C10orf90: variants seen among roughly 807,000 people sequenced by gnomAD.
The protein encoded by C10orf90 is (E2-independent) E3 ubiquitin-conjugating enzyme FATS.
In C10orf90, 56 loss-of-function variants were observed where a neutral mutation model predicts 62.5. The observed-to-expected ratio is 0.90, with a 90% CI of 0.72 to 1.12. The LOEUF (loss-of-function observed/expected upper bound fraction) is 1.12. Ranked by LOEUF, C10orf90 falls within the 50% of genes most tolerant of loss-of-function variation. The pLI, the probability that C10orf90 is intolerant of heterozygous loss-of-function variation, is 0.00. For synonymous variants in C10orf90, 386 were observed against 340.4 expected (o/e 1.13, Z -1.47); for missense variants, 970 against 880.4 (o/e 1.10, Z -1.29).
intron 4 of C10orf90, among the ~76,000 whole-genome samples, chr10:126,476,733 C>G (rs141859498): frequency 6.6e-6 from 1 of 152,282 alleles, no homozygotes; most frequent in East Asian, 1.9e-4. Flanking sequence ...TCATAAGAAA[C>G]AAAACATATC....
In C10orf90 at chr10:126,461,538, T is replaced by C; in HGVS notation, c.1873A>G (p.Lys625Glu). 1 of 1,613,916 alleles carries C rather than the reference T, an allele frequency of 6.2e-7. No individual in the cohort carries two copies. The highest frequency in any genetic ancestry group is 8.5e-7 in the Non-Finnish European group (1 of 1,179,956). Residue 625 changes from lysine to glutamate, a missense_variant, in exon 6 of 10, where the codon AAG (lysine) becomes GAG (glutamate). Physicochemically the swap from Lys to Glu is moderately conservative, Grantham distance 56. Coordinates refer to ENST00000488181, the MANE Select transcript of C10orf90 (RefSeq NM_001350921.2). ...TCAGGTGTGGTGGGGTCCTCACTCTTCTTACATTCCTTTATTTTTACAACC... is the reference window on the plus strand; with the variant it reads ...TCAGGTGTGGTGGGGTCCTCACTCTCCTTACATTCCTTTATTTTTACAACC... ...DLVVKIKECK[K>E]SEDPTTPEPS...
chr10:126,661,573 T>G (rs1325128012), intron 1 of C10orf90, among the ~76,000 whole-genome samples: 1 of 152,178 alleles, frequency 6.6e-6, no homozygotes, highest in Non-Finnish European at 1.5e-5. Flanking sequence ...CCCAATTCCC[T>G]GATGGAAATT....
intron 4 of C10orf90, among the ~76,000 whole-genome samples, chr10:126,479,225 G>A (rs1365670278): frequency 6.6e-6 from 1 of 152,196 alleles, no homozygotes; most frequent in African/African-American, 2.4e-5. Context: ...TTCCAATGTG[G>A]GCGGTCCTCC....
chr10:126,585,228 GA>G (rs145337433), intron 2 of C10orf90, among the ~76,000 whole-genome samples: 1,796 of 151,094 alleles, frequency 0.012, 36 homozygotes, highest in African/African-American at 0.041. Context: ...AAAATGGAAG[GA>G]AGTTAGGAAA....
In C10orf90 at chr10:126,425,715, C is replaced by A. The variant is rs1002385820; in HGVS notation, c.*149G>T. 5.2e-6 allele frequency: 4 copies of A among 774,204 alleles called. No homozygotes were observed. Among genetic ancestry groups the A allele is most frequent in the Non-Finnish European group, 8.0e-6 (4 of 497,140 alleles). 48.0% of individuals were successfully genotyped at this position (774,204 alleles called of 1,614,324 possible). ...TTCTGTTTGGCTTGGGTCAGTAATT[C>A]AGGAAGTGATGTTTTCCTTTATGGA... On this transcript the variant is annotated 3_prime_UTR_variant, in exon 10 of 10. Coordinates refer to ENST00000488181, the MANE Select transcript of C10orf90 (RefSeq NM_001350921.2).
intron 4 of C10orf90, among the ~76,000 whole-genome samples, chr10:126,487,142 CAAAA>C (rs1158481155): frequency 0.27 from 7,828 of 29,066 alleles, 194 homozygotes; most frequent in Non-Finnish European, 0.31. Context: ...AAAACTCTGT[CAAAA>C]AAAAAAAAAA....
At chr10:126,448,243 A>G (rs924444542) in intron 7 of C10orf90, among the ~76,000 whole-genome samples, 19 of 152,080 alleles carry the variant, frequency 1.2e-4, no homozygotes, top group Non-Finnish European at 2.5e-4. Context: ...AAATTCATAG[A>G]TATGTGAAAA....
intron 7 of C10orf90, among the ~76,000 whole-genome samples, chr10:126,458,557 A>T (rs1564806319): frequency 6.6e-6 from 1 of 152,210 alleles, no homozygotes; most frequent in African/African-American, 2.4e-5. Context: ...CCCTCACAGG[A>T]TCAGTGTGAC....
At chr10:126,598,066 G>A (rs1390237170) in intron 2 of C10orf90, among the ~76,000 whole-genome samples, 1 of 152,164 alleles carries the variant, frequency 6.6e-6, no homozygotes, top group Non-Finnish European at 1.5e-5. Context: ...TATTTCAATG[G>A]CATTCCTCTG....
chr10:126,654,199 T>C lies in C10orf90; in HGVS notation c.241-7562A>G, dbSNP rs539774913. 3.9e-5 allele frequency among the ~76,000 whole-genome samples: 6 copies of C among 152,344 alleles called. No homozygotes were observed. The East Asian group carries it at 9.6e-4, about 24-fold the overall frequency. The stretch of plus-strand genomic sequence containing the variant: ...CCCTAACAAGAGAGTCAGCCTGTCC[T>C]GTGGAAGCCAGGCATTGACTTTACC... On this transcript the variant is annotated intron_variant, in intron 1 of 9. Transcript: ENST00000488181.
At chr10:126,657,150 T>A (rs998872699) in intron 1 of C10orf90, among the ~76,000 whole-genome samples, 2 of 152,328 alleles carry the variant, frequency 1.3e-5, no homozygotes, top group African/African-American at 2.4e-5. Flanking sequence ...TGTTTTTTTT[T>A]AATTGTGGTA....
intron 1 of C10orf90, among the ~76,000 whole-genome samples, chr10:126,655,625 C>A (rs1222861896): frequency 6.6e-6 from 1 of 152,126 alleles, no homozygotes; most frequent in Admixed American, 6.5e-5. Flanking sequence ...GTGGAAATGT[C>A]CTTCCCCAGG....
intron 2 of C10orf90, among the ~76,000 whole-genome samples, chr10:126,587,462 C>T (rs1454729180): frequency 1.3e-5 from 2 of 152,180 alleles, no homozygotes; most frequent in Non-Finnish European, 2.9e-5. Context: ...ACTGGATCCT[C>T]ATATGGCAGA....
chr10:126,640,947 G>C (rs1846047478), intron 2 of C10orf90, among the ~76,000 whole-genome samples: 1 of 152,194 alleles, frequency 6.6e-6, no homozygotes, highest in Admixed American at 6.5e-5. Context: ...TTCTCCCATG[G>C]GCAGGGAGAA....
intron 3 of C10orf90, among the ~76,000 whole-genome samples, chr10:126,513,312 G>A (rs1274687538): frequency 6.6e-6 from 1 of 152,230 alleles, no homozygotes; most frequent in Non-Finnish European, 1.5e-5. Flanking sequence ...TATAAGAGCA[G>A]TACCTGTCTT....
intron 3 of C10orf90, among the ~76,000 whole-genome samples, chr10:126,510,229 G>A (rs937313312): frequency 3.3e-5 from 5 of 152,244 alleles, no homozygotes; most frequent in Non-Finnish European, 4.4e-5. Flanking sequence ...GGGGGTAGTG[G>A]GGGATGCAAT....
chr10:126,585,808 T>G (rs938213333), intron 2 of C10orf90, among the ~76,000 whole-genome samples: 20 of 152,208 alleles, frequency 1.3e-4, no homozygotes, highest in Admixed American at 1.2e-3. Context: ...AAACCACTGG[T>G]TCTCCAAGTG....
intron 2 of C10orf90, among the ~76,000 whole-genome samples, chr10:126,631,462 G>A (rs137859650): frequency 1.3e-5 from 2 of 152,192 alleles, no homozygotes; most frequent in African/African-American, 4.8e-5. Flanking sequence ...GAAGCAGAAT[G>A]GCCCTTGGTT....
intron 4 of C10orf90, among the ~76,000 whole-genome samples, chr10:126,479,680 C>G (rs1402551176): frequency 6.6e-6 from 1 of 152,192 alleles, no homozygotes; most frequent in African/African-American, 2.4e-5. Context: ...CATGAAGACG[C>G]CTTTCTCCCA....
Sources: gnomAD v4.1 joint callset for allele counts (sites outside exome capture counted in the v4.1 genomes callset) on GRCh38, gnomAD v4.1.1 for gene constraint, MANE v1.5 for transcripts, NCBI Gene and HGNC (gene_info 2026-07-23, HGNC 2026-07-21) for gene names.